The following DENR variants were observed in gnomAD, a reference collection of about 807,000 sequenced individuals.
DENR encodes density regulated re-initiation and release factor.
In DENR, 6 loss-of-function variants were observed where a neutral mutation model predicts 30.6. The ratio of observed to expected loss-of-function variants is 0.20; its 90% CI spans 0.11 to 0.39. DENR has a LOEUF of 0.39. DENR is among the 10% of genes least tolerant of loss of function. The probability of loss-of-function intolerance (pLI) is 1.00; values close to 1 mark genes in which losing one functional copy is unlikely to be tolerated. For synonymous variants in DENR, 78 were observed against 72.1 expected (o/e 1.08, Z -0.41); for missense variants, 141 against 230.9 (o/e 0.61, Z 2.52).
intron 2 of DENR, among the ~76,000 whole-genome samples, chr12:122,755,979 A>G (rs529823909): frequency 1.3e-5 from 2 of 152,352 alleles, no homozygotes; most frequent in Non-Finnish European, 2.9e-5. Context: ...GTATGATGAC[A>G]TTGTTAATAG....
Position 122,769,189 on chromosome 12 carries a change from C to T in DENR, c.*111C>T, listed in dbSNP as rs1302659767. Reference sequence around the variant, plus strand: ...ATACACATATATATGTATATATACACATATATGTATGTATACACATATACA... The same window carrying T: ...ATACACATATATATGTATATATACATATATATGTATGTATACACATATACA... On this transcript the variant is annotated 3_prime_UTR_variant, in exon 8 of 8. Transcript: ENST00000280557. 62 of 954,094 alleles carry T rather than the reference C, an allele frequency of 6.5e-5. No homozygotes were observed. The highest frequency in any genetic ancestry group is 8.1e-5 in the Non-Finnish European group (58 of 719,452). The allele number at this position is 954,094 out of a possible 1,614,324, so 59.1% of individuals were successfully genotyped here.
At chr12:122,766,441 C>G (rs929946850) in intron 5 of DENR, among the ~76,000 whole-genome samples, 35 of 152,298 alleles carry the variant, frequency 2.3e-4, no homozygotes, top group African/African-American at 7.2e-4. Flanking sequence ...TCTGCACGTT[C>G]TTGTTGGATG....
chr12:122,770,373 G>C lies in DENR; in HGVS notation c.*1295G>C. 2.7e-6 allele frequency: 1 copy of C among 369,180 alleles called. No individual in the cohort carries two copies. The highest frequency in any genetic ancestry group is 4.6e-5 in the Admixed American group (1 of 21,872). The allele number at this position is 369,180 out of a possible 1,614,324, so 22.9% of individuals were successfully genotyped here. A position where few individuals can be genotyped will look rare whatever the true frequency, so the allele number is the denominator to read the frequency against. On this transcript the variant is annotated 3_prime_UTR_variant, in exon 8 of 8. Coordinates refer to ENST00000280557, the MANE Select transcript of DENR (RefSeq NM_003677.5). Reference sequence around the variant, plus strand: ...ATTTTCTAAGATTATTTGGAAGCATGTTTGGTAATGTCAAGTGGAGTACCC... The same window carrying C: ...ATTTTCTAAGATTATTTGGAAGCATCTTTGGTAATGTCAAGTGGAGTACCC...
intron 2 of DENR, among the ~76,000 whole-genome samples, chr12:122,756,979 G>T (rs1204131525): frequency 6.6e-6 from 1 of 152,140 alleles, no homozygotes; most frequent in Non-Finnish European, 1.5e-5. Context: ...AGGATGAACA[G>T]TATAAAGCAG....
intron 5 of DENR, among the ~76,000 whole-genome samples, chr12:122,765,748 C>T (rs1878829639): frequency 6.6e-6 from 1 of 152,122 alleles, no homozygotes; most frequent in South Asian, 2.1e-4. Flanking sequence ...ATGATTTGGG[C>T]TGTGTCAGTA....
chr12:122,768,772 A>G lies in DENR; in HGVS notation c.413-10A>G, dbSNP rs903000304. 6.5e-7 allele frequency: 1 copy of G among 1,529,200 alleles called. No homozygotes were observed. Among genetic ancestry groups the G allele is most frequent in the Admixed American group, 2.2e-5 (1 of 44,840 alleles). 94.7% of individuals were successfully genotyped at this position (1,529,200 alleles called of 1,614,324 possible). On this transcript the variant is annotated splice_polypyrimidine_tract_variant and intron_variant, in intron 6 of 7. Coordinates refer to ENST00000280557, the MANE Select transcript of DENR (RefSeq NM_003677.5). ...TACAGTTCTTGCTCTTTCTTTTTTT[A>G]AAAAAATAGAAATTGATCTTAAAGA...
At chr12:122,761,475 A>G (rs1176340595) in intron 2 of DENR, among the ~76,000 whole-genome samples, 3 of 152,162 alleles carry the variant, frequency 2.0e-5, no homozygotes, top group African/African-American at 4.8e-5. Flanking sequence ...TAAAGTTTAT[A>G]AATGTGTCAG....
intron 4 of DENR, among the ~76,000 whole-genome samples, chr12:122,763,694 T>A (rs1478230506): frequency 6.6e-6 from 1 of 152,104 alleles, no homozygotes; most frequent in Admixed American, 6.6e-5. Context: ...AGAGCAAAAC[T>A]CTGTCTCAAA....
At chr12:122,756,509 G>C (rs372138040) in intron 2 of DENR, among the ~76,000 whole-genome samples, 29 of 152,298 alleles carry the variant, frequency 1.9e-4, no homozygotes, top group African/African-American at 6.5e-4. Context: ...GTCAGTACAG[G>C]AGGGGAGAGA....
At chr12:122,761,257 C>T (rs1369604018) in intron 2 of DENR, among the ~76,000 whole-genome samples, 3 of 148,080 alleles carry the variant, frequency 2.0e-5, no homozygotes, top group Non-Finnish European at 4.5e-5. Context: ...ACTAAAAATA[C>T]AAAAATTAGC....
chr12:122,766,070 C>T (rs1234949344), intron 5 of DENR, among the ~76,000 whole-genome samples: 1 of 151,880 alleles, frequency 6.6e-6, no homozygotes, highest in Non-Finnish European at 1.5e-5. Context: ...AAAAACTCTC[C>T]CCAAAGCTCA....
intron 2 of DENR, among the ~76,000 whole-genome samples, 193 bp from the exon 3 acceptor site, chr12:122,761,994 T>C (rs1878712880): frequency 6.6e-6 from 1 of 152,168 alleles, no homozygotes; most frequent in South Asian, 2.1e-4. Context: ...GTCAAGATAG[T>C]ATCATCTCAA....
rs569199885 is a variant in DENR at position 122,763,062 on chromosome 12, G to GTTC, written c.211+135_211+137dup. 3.3e-4 allele frequency: 200 copies of GTTC among 613,266 alleles called. 1 individual carries two copies. In the African/African-American group the frequency reaches 3.5e-3, roughly 11 times the overall value. The allele number at this position is 613,266 out of a possible 1,614,324, so 38.0% of individuals were successfully genotyped here. On this transcript the variant is annotated intron_variant, in intron 4 of 7. Transcript: ENST00000280557. ...TAACATTTATCTGTTAGCTGTTTAAGTTCTCTCTGAGATAGGATAGGTCTG... is the reference window on the plus strand; with the variant it reads ...TAACATTTATCTGTTAGCTGTTTAAGTTCTTCTCTCTGAGATAGGATAGGTCTG...
At chr12:122,758,939 G>A (rs1878624226) in intron 2 of DENR, among the ~76,000 whole-genome samples, 1 of 151,622 alleles carries the variant, frequency 6.6e-6, no homozygotes, top group Admixed American at 6.6e-5. Flanking sequence ...CTGCGTCCCA[G>A]GATCAAGCGA....
At chr12:122,766,362 T>C (rs1237749265) in intron 5 of DENR, among the ~76,000 whole-genome samples, 1 of 152,232 alleles carries the variant, frequency 6.6e-6, no homozygotes, top group Non-Finnish European at 1.5e-5. Flanking sequence ...CTGTGCGGAC[T>C]TCTGTTCCTT....
At chr12:122,753,345 C>T (rs1878464322) in intron 1 of DENR, among the ~76,000 whole-genome samples, 1 of 152,152 alleles carries the variant, frequency 6.6e-6, no homozygotes, top group African/African-American at 2.4e-5. Context: ...CCTTCTCTCA[C>T]TGCAGTTTGC....
chr12:122,756,717 C>T (rs919915122), intron 2 of DENR, among the ~76,000 whole-genome samples: 11 of 152,108 alleles, frequency 7.2e-5, no homozygotes, highest in African/African-American at 2.4e-4. Flanking sequence ...TTGTGGAATT[C>T]ATGAAGAGGG....
intron 5 of DENR, among the ~76,000 whole-genome samples, chr12:122,765,718 G>A (rs1878829133): frequency 6.6e-6 from 1 of 152,156 alleles, no homozygotes; most frequent in African/African-American, 2.4e-5. Flanking sequence ...CATACTAATA[G>A]GATCATGGTT....
chr12:122,770,166 TTGACATTAGA>T lies in DENR; in HGVS notation c.*1089_*1098del, dbSNP rs1878997725. The stretch of plus-strand genomic sequence containing the variant: ...CTGTTTGAACCCGTAAGCCACTTCT[TTGACATTAGA>T]AGACATTAGAAGAAATAATCAGCCT... On this transcript the variant is annotated 3_prime_UTR_variant, in exon 8 of 8. Coordinates refer to ENST00000280557, the MANE Select transcript of DENR (RefSeq NM_003677.5). 1 of 153,208 alleles carries T rather than the reference TTGACATTAGA, an allele frequency of 6.5e-6. No individual in the cohort carries two copies. Among genetic ancestry groups the T allele is most frequent in the Admixed American group, 6.5e-5 (1 of 15,280 alleles). The allele number at this position is 153,208 out of a possible 1,614,324, so 9.5% of individuals were successfully genotyped here. A position where few individuals can be genotyped will look rare whatever the true frequency, so the allele number is the denominator to read the frequency against.
Sources: gnomAD v4.1 joint callset for allele counts (sites outside exome capture counted in the v4.1 genomes callset) on GRCh38, gnomAD v4.1.1 for gene constraint, MANE v1.5 for transcripts, NCBI Gene and HGNC (gene_info 2026-07-23, HGNC 2026-07-21) for gene names.